POLR3B: variants seen among roughly 807,000 people sequenced by gnomAD.
POLR3B encodes the protein RNA polymerase III subunit B.
A neutral mutation model predicts 147.4 loss-of-function variants in POLR3B; 96 were observed. The observed-to-expected ratio is 0.65, with a 90% confidence interval of 0.55 to 0.77. The LOEUF (loss-of-function observed/expected upper bound fraction) is 0.77, where lower values mean the gene tolerates loss of function less well. POLR3B is among the 30% of genes least tolerant of loss of function. The probability of loss-of-function intolerance (pLI) is 0.00; values close to 1 mark genes in which losing one functional copy is unlikely to be tolerated. For missense variants in POLR3B, 1,036 were observed against 1,413.5 expected (o/e 0.73, Z 4.28); for synonymous variants, 461 against 485.9 (o/e 0.95, Z 0.67).
At chr12:106,472,882 T>C (rs1371473627) in intron 23 of POLR3B, among the ~76,000 whole-genome samples, 3 of 136,818 alleles carry the variant, frequency 2.2e-5, no homozygotes. Context: ...ATCCCATTTG[T>C]CAATTTTGGC....
chr12:106,402,405 A>G (rs1027729911), intron 10 of POLR3B, among the ~76,000 whole-genome samples: 3 of 152,210 alleles, frequency 2.0e-5, no homozygotes, highest in Admixed American at 6.5e-5. Context: ...TTATAGATTC[A>G]ATGCCATCCC....
At chr12:106,470,254 C>T (rs1188138932) in intron 23 of POLR3B, among the ~76,000 whole-genome samples, 1 of 152,054 alleles carries the variant, frequency 6.6e-6, no homozygotes, top group African/African-American at 2.4e-5. Flanking sequence ...GCTATTGAAG[C>T]TTGTGTATGC....
intron 23 of POLR3B, chr12:106,495,810 G>A (rs879386647): frequency 3.0e-5 from 19 of 635,674 alleles, no homozygotes; most frequent in Non-Finnish European, 4.8e-5. Flanking sequence ...CAGCCCAACA[G>A]CACCATTGTG....
chr12:106,378,430 A>G (rs377689476), intron 8 of POLR3B, 46 bp downstream of exon 8: 2 of 1,156,426 alleles, frequency 1.7e-6, no homozygotes, highest in Non-Finnish European at 2.6e-6. Flanking sequence ...TGGTCATTCC[A>G]TTAGTCCTAA....
At position 106,437,099 on chromosome 12, in the gene POLR3B, T is replaced by A; in HGVS notation, c.1824T>A (p.Asn608Lys). ...IVKKQKPAVT[N>K]KHMEELAQGY... is the part of the protein sequence containing the mutation. ...AGAAACAGAAGCCAGCAGTCACAAATAAACATATGGAAGAGCTGGCCCAAG... is the reference window on the plus strand; with the variant it reads ...AGAAACAGAAGCCAGCAGTCACAAAAAAACATATGGAAGAGCTGGCCCAAG... Residue 608 changes from asparagine (N) to lysine (K), a missense_variant, in exon 17 of 28, where the codon AAT becomes AAA. Asn to Lys is a moderately conservative substitution (Grantham distance 94, BLOSUM62 0). Transcript: ENST00000228347. The A allele has an allele frequency of 6.2e-7, 1 of 1,613,552 alleles. No homozygotes were observed. Among genetic ancestry groups the A allele is most frequent in the African/African-American group, 1.3e-5 (1 of 75,044 alleles).
intron 12 of POLR3B, among the ~76,000 whole-genome samples, chr12:106,416,775 C>G (rs930898920): frequency 2.0e-5 from 3 of 152,172 alleles, no homozygotes; most frequent in African/African-American, 7.2e-5. Context: ...TTTCACAGAG[C>G]CTGCAGGGTC....
chr12:106,406,109 C>A, intron 11 of POLR3B, 133 bp downstream of exon 11: 2 of 874,634 alleles, frequency 2.3e-6, no homozygotes, highest in Non-Finnish European at 1.8e-6. Context: ...TGTACTGCCC[C>A]ATCAGAAATA....
At chr12:106,365,922 C>T (rs1447584751) in intron 2 of POLR3B, among the ~76,000 whole-genome samples, 2 of 151,858 alleles carry the variant, frequency 1.3e-5, no homozygotes, top group African/African-American at 4.8e-5. Context: ...TTAGCCCGGG[C>T]CAGAATCATC....
chr12:106,503,449 C>G (rs2038634426), intron 26 of POLR3B, among the ~76,000 whole-genome samples: 1 of 152,104 alleles, frequency 6.6e-6, no homozygotes, highest in South Asian at 2.1e-4. Flanking sequence ...TTTTTTCCCC[C>G]CAAATAATTT....
intron 9 of POLR3B, among the ~76,000 whole-genome samples, chr12:106,385,413 A>C (rs575767811): frequency 6.6e-6 from 1 of 152,340 alleles, no homozygotes; most frequent in East Asian, 1.9e-4. Context: ...ATAATTTTAG[A>C]AATTTATAGT....
chr12:106,481,399 C>T (rs560197281), intron 23 of POLR3B, among the ~76,000 whole-genome samples: 1 of 152,290 alleles, frequency 6.6e-6, no homozygotes, highest in African/African-American at 2.4e-5. Context: ...ATGGATTGGG[C>T]GGCTTTGACT....
chr12:106,449,967 G>A (rs1490627122), intron 19 of POLR3B, among the ~76,000 whole-genome samples: 2 of 152,088 alleles, frequency 1.3e-5, no homozygotes, highest in African/African-American at 4.8e-5. Context: ...AGAATAAGTT[G>A]GAGGATTTAT....
chr12:106,476,741 T>C (rs1484551702), intron 23 of POLR3B, among the ~76,000 whole-genome samples: 1 of 151,746 alleles, frequency 6.6e-6, no homozygotes, highest in Non-Finnish European at 1.5e-5. Context: ...CACTTCTCTG[T>C]ATTGGTTATT....
intron 18 of POLR3B, among the ~76,000 whole-genome samples, chr12:106,441,325 C>T (rs1593043145): frequency 7.4e-6 from 1 of 135,368 alleles, no homozygotes; most frequent in South Asian, 2.2e-4. Context: ...ATGTGAATAT[C>T]GTAGTGTACT....
intron 12 of POLR3B, among the ~76,000 whole-genome samples, chr12:106,419,100 C>T (rs1247403119): frequency 6.6e-6 from 1 of 152,152 alleles, no homozygotes; most frequent in Non-Finnish European, 1.5e-5. Context: ...TATTCAAGTT[C>T]CTTTTGCCAG....
rs534079064 is a variant in POLR3B, at chr12:106,392,007, G to T, written c.724-1024G>T. On this transcript the variant is annotated intron_variant, in intron 9 of 27. Coordinates refer to ENST00000228347, the MANE Select transcript of POLR3B (RefSeq NM_018082.6). ...TCCAGGAGAGATTTAGTGAGATTAT[G>T]CTGTGTTCCTTGATATGGCAAAATT... Among the ~76,000 whole-genome samples, 27 of 152,266 alleles carry T rather than the reference G, an allele frequency of 1.8e-4. 1 individual carries two copies. Among genetic ancestry groups the T allele is most frequent in the Admixed American group, 1.6e-3 (25 of 15,290 alleles).
intron 12 of POLR3B, among the ~76,000 whole-genome samples, chr12:106,426,932 C>G (rs2136998607): frequency 1.5e-5 from 2 of 129,998 alleles, no homozygotes; most frequent in Middle Eastern, 6.0e-3. Flanking sequence ...ATCTGAAAGT[C>G]TAGAAGTGAC....
intron 9 of POLR3B, among the ~76,000 whole-genome samples, chr12:106,385,255 C>T (rs2036820601): frequency 6.6e-6 from 1 of 152,134 alleles, no homozygotes. Flanking sequence ...ATTCACTATT[C>T]AGTATTTGGT....
intron 18 of POLR3B, among the ~76,000 whole-genome samples, chr12:106,438,468 C>CAT (rs71072677): frequency 0.055 from 8,255 of 150,544 alleles, 321 homozygotes; most frequent in Middle Eastern, 0.1. Context: ...GATAGATAAC[C>CAT]ATATATATAT....
Sources: gnomAD v4.1 joint callset for allele counts (sites outside exome capture counted in the v4.1 genomes callset) on GRCh38, gnomAD v4.1.1 for gene constraint, MANE v1.5 for transcripts, NCBI Gene and HGNC (gene_info 2026-07-23, HGNC 2026-07-21) for gene names.